The following MACROD2 variants were observed in gnomAD, a reference collection of about 807,000 sequenced individuals.
The protein encoded by MACROD2 is mono-ADP ribosylhydrolase 2, also known as ADP-ribose glycohydrolase MACROD2.
Under a neutral mutation model 70.4 loss-of-function variants are expected in MACROD2, and 36 were observed. The ratio of observed to expected loss-of-function variants is 0.51; its 90% CI spans 0.39 to 0.68. The LOEUF is 0.68. Among genes scored for constraint, MACROD2 ranks in the 30% least tolerant of loss-of-function variants. MACROD2 has a pLI of 0.00. For synonymous variants in MACROD2, 172 were observed against 178.8 expected, an observed-to-expected ratio of 0.96 and a Z score of 0.30; for missense variants, 496 against 538.4, an observed-to-expected ratio of 0.92 and a Z score of 0.78.
intron 13 of MACROD2, among the ~76,000 whole-genome samples, chr20:15,972,399 C>A (rs114866241): frequency 2.9e-3 from 446 of 152,182 alleles, no homozygotes; most frequent in African/African-American, 0.01. Context: ...GCATAAGAAA[C>A]ATAATGAAAA....
intron 5 of MACROD2, among the ~76,000 whole-genome samples, chr20:14,838,801 C>T (rs2073057228): frequency 6.6e-6 from 1 of 152,030 alleles, no homozygotes; most frequent in African/African-American, 2.4e-5. Flanking sequence ...CAAACTTAGT[C>T]ATATCATATA....
At chr20:15,332,541 T>C (rs1270595308) in intron 6 of MACROD2, among the ~76,000 whole-genome samples, 1 of 151,636 alleles carries the variant, frequency 6.6e-6, no homozygotes, top group East Asian at 1.9e-4. Flanking sequence ...GGATTCCTAA[T>C]ACAAATGTAC....
intron 3 of MACROD2, chr20:14,337,357 G>A (rs2082957160): frequency 3.3e-6 from 1 of 301,066 alleles, no homozygotes. Context: ...GTAAAACCAA[G>A]CAAACTTTCT....
At chr20:14,677,699 A>G (rs1459100477) in intron 4 of MACROD2, among the ~76,000 whole-genome samples, 1 of 152,168 alleles carries the variant, frequency 6.6e-6, no homozygotes, top group Non-Finnish European at 1.5e-5. Flanking sequence ...TACCACAGGC[A>G]GTCTTTAATA....
chr20:15,490,233 C>CT (rs1555828637), intron 7 of MACROD2, among the ~76,000 whole-genome samples: 1 of 114,220 alleles, frequency 8.8e-6, no homozygotes, highest in African/African-American at 3.0e-5. Flanking sequence ...CCCTTCCTTC[C>CT]TCCCTTCCCT....
At chr20:15,455,001 C>G (rs1600435631) in intron 7 of MACROD2, among the ~76,000 whole-genome samples, 1 of 152,138 alleles carries the variant, frequency 6.6e-6, no homozygotes, top group East Asian at 1.9e-4. Flanking sequence ...TAAACATTTA[C>G]TCTCATTGAT....
intron 5 of MACROD2, among the ~76,000 whole-genome samples, chr20:14,798,967 T>C (rs2072542469): frequency 6.6e-6 from 1 of 151,938 alleles, no homozygotes; most frequent in South Asian, 2.1e-4. Context: ...ACTGTATATA[T>C]TGAAATATAT....
intron 3 of MACROD2, among the ~76,000 whole-genome samples, chr20:14,122,278 T>TC (rs946207969): frequency 2.6e-5 from 4 of 152,218 alleles, no homozygotes; most frequent in African/African-American, 9.6e-5. Context: ...TATCTCTGTT[T>TC]CCTCATCTTT....
chr20:14,833,489 A>G (rs761948870), intron 5 of MACROD2, among the ~76,000 whole-genome samples: 4 of 152,138 alleles, frequency 2.6e-5, no homozygotes, highest in African/African-American at 4.8e-5. Context: ...ACAGTTTGGT[A>G]TATTCATATC....
At chr20:15,031,485 A>G (rs2122997324) in intron 5 of MACROD2, among the ~76,000 whole-genome samples, 1 of 152,288 alleles carries the variant, frequency 6.6e-6, no homozygotes, top group Non-Finnish European at 1.5e-5. Context: ...CTTGAGTGAC[A>G]GAACAGCTCT....
chr20:15,856,462 T>C (rs2064357618), intron 8 of MACROD2, among the ~76,000 whole-genome samples: 1 of 152,238 alleles, frequency 6.6e-6, no homozygotes, highest in African/African-American at 2.4e-5. Flanking sequence ...ATTTCTGTTC[T>C]CAGCTCTTCT....
At chr20:14,328,402 T>C (rs1240684812) in intron 3 of MACROD2, among the ~76,000 whole-genome samples, 1 of 152,158 alleles carries the variant, frequency 6.6e-6, no homozygotes, top group Non-Finnish European at 1.5e-5. Flanking sequence ...TAACGTGTTG[T>C]CACAGTGCAT....
intron 10 of MACROD2, among the ~76,000 whole-genome samples, chr20:15,896,061 T>A (rs536320602): frequency 6.6e-6 from 1 of 152,336 alleles, no homozygotes; most frequent in Non-Finnish European, 1.5e-5. Context: ...GATATGCAAA[T>A]GAAATCTGGT....
chr20:15,380,588 C>T (rs186000859), intron 6 of MACROD2, among the ~76,000 whole-genome samples: 30 of 152,064 alleles, frequency 2.0e-4, no homozygotes, highest in South Asian at 2.1e-4. Context: ...CTTCAGGTAA[C>T]CTAAGTCAAC....
intron 15 of MACROD2, among the ~76,000 whole-genome samples, chr20:16,011,219 C>T (rs781475423): frequency 5.3e-5 from 8 of 152,168 alleles, no homozygotes; most frequent in African/African-American, 1.7e-4. Context: ...ATGTTGACCA[C>T]GCGGCACTTC....
intron 15 of MACROD2, among the ~76,000 whole-genome samples, chr20:16,035,440 C>T (rs1351634885): frequency 6.6e-6 from 1 of 151,632 alleles, no homozygotes; most frequent in Non-Finnish European, 1.5e-5. Context: ...CCTTTGTATA[C>T]ATTAATTCAG....
intron 6 of MACROD2, among the ~76,000 whole-genome samples, chr20:15,370,947 G>T (rs1054781271): frequency 5.3e-5 from 8 of 152,004 alleles, no homozygotes; most frequent in African/African-American, 1.9e-4. Flanking sequence ...TGTCCATATT[G>T]TCTTAAGTTT....
intron 5 of MACROD2, among the ~76,000 whole-genome samples, chr20:14,847,795 A>G (rs950692696): frequency 6.6e-6 from 1 of 152,140 alleles, no homozygotes; most frequent in African/African-American, 2.4e-5. Flanking sequence ...TTATACTCTG[A>G]ATTAATGAGC....
chr20:15,502,988 A>G (rs1301737279), intron 8 of MACROD2, among the ~76,000 whole-genome samples: 2 of 152,218 alleles, frequency 1.3e-5, no homozygotes, highest in South Asian at 2.1e-4. Context: ...TATAACTTTC[A>G]CTCACATTTC....
Sources: gnomAD v4.1 joint callset for allele counts (sites outside exome capture counted in the v4.1 genomes callset) on GRCh38, gnomAD v4.1.1 for gene constraint, MANE v1.5 for transcripts, NCBI Gene and HGNC (gene_info 2026-07-23, HGNC 2026-07-21) for gene names.